The following MYO10 variants were observed in gnomAD, a reference collection of about 807,000 sequenced individuals.
MYO10 encodes myosin X.
MYO10 carries 133 observed loss-of-function variants against 257.3 expected under a neutral mutation model. The observed-to-expected ratio is 0.52, with a 90% CI of 0.45 to 0.60. The LOEUF is 0.60. Ranked by LOEUF, MYO10 falls within the 20% of genes least tolerant of loss-of-function variation. MYO10 has a pLI of 0.00. For missense variants in MYO10, 2,399 were observed against 2,635.7 expected, an observed-to-expected ratio of 0.91 and a Z score of 1.97; for synonymous variants, 1,104 against 1,028.6, an observed-to-expected ratio of 1.07 and a Z score of -1.40.
intron 19 of MYO10, among the ~76,000 whole-genome samples, chr5:16,750,994 T>TCAAA (rs369394471): frequency 6.6e-4 from 101 of 152,140 alleles, no homozygotes; most frequent in East Asian, 4.3e-3. Flanking sequence ...AAACTCTGTC[T>TCAAA]CAAACAAACA....
Position 16,711,031 on chromosome 5 carries a change from T to C in MYO10, c.2055-9A>G, listed in dbSNP as rs569659913. 1.2e-6 allele frequency: 2 copies of C among 1,613,974 alleles called. No individual in the cohort carries two copies. The highest frequency in any genetic ancestry group is 2.7e-5 in the African/African-American group (2 of 75,060). On this transcript the variant is annotated splice_polypyrimidine_tract_variant and intron_variant, in intron 20 of 40. Transcript: ENST00000513610. ...TCATCAGCACTTTATACCTGCAACG[T>C]GAAGACACACAGGGTCACCTTCTGC... is the stretch of plus-strand genomic sequence containing the variant.
intron 1 of MYO10, among the ~76,000 whole-genome samples, chr5:16,880,654 G>A (rs1744732827): frequency 6.6e-6 from 1 of 152,138 alleles, no homozygotes; most frequent in South Asian, 2.1e-4. Flanking sequence ...AGAACACACA[G>A]CACCAACAGG....
intron 29 of MYO10, among the ~76,000 whole-genome samples, chr5:16,684,280 CTG>C (rs1737141807): frequency 3.9e-5 from 6 of 152,216 alleles, no homozygotes; most frequent in Admixed American, 3.9e-4. Context: ...GAGTTTCACT[CTG>C]TTGCCCAGGC....
At chr5:16,814,165 C>T (rs150638569) in intron 3 of MYO10, among the ~76,000 whole-genome samples, 452 of 152,272 alleles carry the variant, frequency 3.0e-3, no homozygotes, top group Admixed American at 8.2e-3. Context: ...TTTCCTGAGA[C>T]GGAGTCTCGC....
chr5:16,710,121 G>A (rs1239777014), intron 21 of MYO10, among the ~76,000 whole-genome samples: 3 of 152,200 alleles, frequency 2.0e-5, no homozygotes, highest in Non-Finnish European at 4.4e-5. Context: ...ACTGCTGTGT[G>A]TAAGGGCAGA....
chr5:16,800,046 T>G (rs1335647564), intron 3 of MYO10, among the ~76,000 whole-genome samples: 2 of 152,108 alleles, frequency 1.3e-5, no homozygotes, highest in African/African-American at 4.8e-5. Flanking sequence ...AGCACACGGT[T>G]CGAGAGTGAA....
intron 2 of MYO10, among the ~76,000 whole-genome samples, chr5:16,853,013 A>T (rs1743852474): frequency 6.6e-6 from 1 of 152,194 alleles, no homozygotes; most frequent in Non-Finnish European, 1.5e-5. Flanking sequence ...CCTAGAGCTG[A>T]CATAAGCCAA....
chr5:16,928,794 G>A (rs190445357), intron 1 of MYO10, among the ~76,000 whole-genome samples: 5 of 149,970 alleles, frequency 3.3e-5, no homozygotes, highest in African/African-American at 7.4e-5. Context: ...GCAGTGAGCC[G>A]AGATCACACC....
At chr5:16,881,706 T>A (rs2126765553) in intron 1 of MYO10, among the ~76,000 whole-genome samples, 1 of 152,318 alleles carries the variant, frequency 6.6e-6, no homozygotes, top group Non-Finnish European at 1.5e-5. Flanking sequence ...TTCCTGGTGC[T>A]TTCTCTGAGA....
chr5:16,752,569 A>G (rs1374821050), intron 19 of MYO10, among the ~76,000 whole-genome samples: 1 of 152,196 alleles, frequency 6.6e-6, no homozygotes, highest in Non-Finnish European at 1.5e-5. Flanking sequence ...TACAGGCGTG[A>G]GCCACCACGC....
chr5:16,693,151 C>T (rs1431964652), intron 27 of MYO10, among the ~76,000 whole-genome samples: 3 of 152,094 alleles, frequency 2.0e-5, no homozygotes, highest in African/African-American at 7.2e-5. Context: ...ACCTATAGTC[C>T]CAACAACTCG....
At chr5:16,672,877 G>A (rs773568301) in intron 36 of MYO10, 52 bp from the exon 37 acceptor site, 10 of 1,584,558 alleles carry the variant, frequency 6.3e-6, no homozygotes, top group African/African-American at 2.7e-5. Context: ...GCCCCAACAC[G>A]TGTTCCCAGA....
intron 19 of MYO10, among the ~76,000 whole-genome samples, chr5:16,735,522 T>C (rs1398300190): frequency 6.6e-6 from 1 of 151,918 alleles, no homozygotes; most frequent in African/African-American, 2.4e-5. Flanking sequence ...CTGGGCAATA[T>C]AGGGAGACCC....
chr5:16,836,761 T>G (rs1020243043), intron 2 of MYO10, among the ~76,000 whole-genome samples: 1 of 152,208 alleles, frequency 6.6e-6, no homozygotes, highest in Admixed American at 6.5e-5. Flanking sequence ...TGTAAAATGG[T>G]GCAGACGCTT....
intron 19 of MYO10, 67 bp from the exon 20 acceptor site, chr5:16,711,312 A>G (rs970230614): frequency 7.3e-6 from 11 of 1,500,174 alleles, no homozygotes; most frequent in Non-Finnish European, 7.3e-6. Flanking sequence ...GGGAGGCTTA[A>G]TAAAGCCACC....
chr5:16,683,149 C>A (rs1737085198), intron 30 of MYO10, among the ~76,000 whole-genome samples: 1 of 152,158 alleles, frequency 6.6e-6, no homozygotes, highest in Admixed American at 6.5e-5. Flanking sequence ...TCTAACTCTG[C>A]CAAGGAGGCA....
At position 16,700,945 on chromosome 5, in the gene MYO10, C is replaced by G; in HGVS notation, c.3432+18G>C. 1.3e-6 allele frequency: 2 copies of G among 1,530,256 alleles called. No homozygotes were observed. The highest frequency in any genetic ancestry group is 8.8e-7 in the Non-Finnish European group (1 of 1,134,024). The allele number at this position is 1,530,256 out of a possible 1,614,324, so 94.8% of individuals were successfully genotyped here. A position where few individuals can be genotyped will look rare whatever the true frequency, so the allele number is the denominator to read the frequency against. The stretch of plus-strand genomic sequence containing the variant: ...ACCGGCCACCCATTTCACTGGGACA[C>G]GCCAGGCAGGTACTTACCGAGGACT... On this transcript the variant is annotated intron_variant, in intron 25 of 40. Transcript: ENST00000513610.
At chr5:16,697,188 G>A (rs1198907858) in intron 26 of MYO10, among the ~76,000 whole-genome samples, 1 of 152,046 alleles carries the variant, frequency 6.6e-6, no homozygotes, top group African/African-American at 2.4e-5. Context: ...CCAAAGCTGA[G>A]GATGGCAGAA....
intron 3 of MYO10, among the ~76,000 whole-genome samples, chr5:16,806,803 C>T (rs1239988520): frequency 3.3e-5 from 5 of 152,110 alleles, no homozygotes. Flanking sequence ...AGTCAGAAGA[C>T]ACCAAGTCCA....
Sources: gnomAD v4.1 joint callset for allele counts (sites outside exome capture counted in the v4.1 genomes callset) on GRCh38, gnomAD v4.1.1 for gene constraint, MANE v1.5 for transcripts, NCBI Gene and HGNC (gene_info 2026-07-23, HGNC 2026-07-21) for gene names.